DAP: variants seen among roughly 807,000 people sequenced by gnomAD.
DAP encodes the protein death-associated protein 1.
DAP carries 8 observed loss-of-function variants against 13.8 expected under a neutral mutation model. The observed-to-expected ratio is 0.58, with a 90% CI of 0.34 to 1.05. DAP has a LOEUF of 1.05. Ranked by LOEUF, DAP falls within the 50% of genes least tolerant of loss-of-function variation. DAP has a pLI of 0.03. For missense variants in DAP, 106 were observed against 133.2 expected (o/e 0.80, Z 1.01); for synonymous variants, 47 against 47.5 (o/e 0.99, Z 0.04).
chr5:10,698,938 A>G (rs1738497855), intron 2 of DAP, among the ~76,000 whole-genome samples: 1 of 152,240 alleles, frequency 6.6e-6, no homozygotes, highest in African/African-American at 2.4e-5. Context: ...TTCAAATTAA[A>G]AAAAATGAAA....
Position 10,760,999 on chromosome 5 carries a change from G to GA in DAP, c.55+14dup, listed in dbSNP as rs770017957. The GA allele has an allele frequency of 8.1e-7, 1 of 1,232,212 alleles. No individual in the cohort carries two copies. The highest frequency in any genetic ancestry group is 1.0e-6 in the Non-Finnish European group (1 of 976,140). 76.3% of individuals were successfully genotyped at this position (1,232,212 alleles called of 1,614,324 possible). ...CCGGCACCCGCGCGTGGAGAGAGAG[G>GA]AAAAGAGTCAGTACCGGCGGGCGGG... On this transcript the variant is annotated intron_variant, in intron 1 of 3. Transcript: ENST00000230895.
At chr5:10,691,572 T>C (rs754370413) in intron 2 of DAP, among the ~76,000 whole-genome samples, 3 of 152,238 alleles carry the variant, frequency 2.0e-5, no homozygotes, top group East Asian at 3.8e-4. Context: ...AGAAGTATGA[T>C]AGCTGCTTTG....
At chr5:10,731,988 T>C (rs1270084013) in intron 2 of DAP, among the ~76,000 whole-genome samples, 1 of 152,220 alleles carries the variant, frequency 6.6e-6, no homozygotes, top group African/African-American at 2.4e-5. Context: ...CCTTGCTGCC[T>C]GGGCCTGCAG....
At chr5:10,736,407 A>G (rs1204509241) in intron 2 of DAP, among the ~76,000 whole-genome samples, 1 of 152,184 alleles carries the variant, frequency 6.6e-6, no homozygotes, top group African/African-American at 2.4e-5. Flanking sequence ...CGAAGCTGCC[A>G]TTAGGACAGC....
At chr5:10,754,768 T>C (rs974120975) in intron 1 of DAP, among the ~76,000 whole-genome samples, 4 of 152,142 alleles carry the variant, frequency 2.6e-5, no homozygotes, top group African/African-American at 7.2e-5. Context: ...AAAGCTGTCA[T>C]TGGGAATTGG....
intron 2 of DAP, among the ~76,000 whole-genome samples, chr5:10,691,692 A>G (rs1738310598): frequency 6.6e-6 from 1 of 152,212 alleles, no homozygotes; most frequent in Non-Finnish European, 1.5e-5. Context: ...TGCCCGCCCC[A>G]TATCCTCAGG....
intron 2 of DAP, among the ~76,000 whole-genome samples, chr5:10,721,607 C>T (rs757544671): frequency 7.9e-5 from 12 of 152,088 alleles, no homozygotes; most frequent in Admixed American, 2.0e-4. Context: ...TTAAGGTCGA[C>T]GGGAAACTAC....
rs368614514 is a variant in DAP, at chr5:10,679,306, A to C, written c.*1750T>G. ...AACAACTGATAAACTCATTTAGGCA[A>C]ACATTTTGGATTTAATGATCTAAAG... On this transcript the variant is annotated 3_prime_UTR_variant, in exon 4 of 4. Transcript: ENST00000230895. 21 of 152,502 alleles carry C rather than the reference A, an allele frequency of 1.4e-4. No individual in the cohort carries two copies. Among genetic ancestry groups the C allele is most frequent in the African/African-American group, 5.1e-4 (21 of 41,580 alleles). 9.4% of individuals were successfully genotyped at this position (152,502 alleles called of 1,614,324 possible).
chr5:10,742,756 T>C (rs1489218924), intron 2 of DAP, among the ~76,000 whole-genome samples: 7 of 152,126 alleles, frequency 4.6e-5, no homozygotes, highest in Admixed American at 4.6e-4. Flanking sequence ...TTCCTCTGAC[T>C]GGGGAATGGT....
intron 2 of DAP, among the ~76,000 whole-genome samples, chr5:10,719,074 A>G (rs1276061148): frequency 6.6e-6 from 1 of 152,246 alleles, no homozygotes; most frequent in Non-Finnish European, 1.5e-5. Flanking sequence ...CTACCTCAGT[A>G]AAATTTCTAA....
At chr5:10,694,400 A>G (rs1342454725) in intron 2 of DAP, among the ~76,000 whole-genome samples, 1 of 151,940 alleles carries the variant, frequency 6.6e-6, no homozygotes, top group East Asian at 1.9e-4. Context: ...ACACACACAC[A>G]CACACACACG....
chr5:10,751,472 A>C (rs1427801864), intron 1 of DAP, among the ~76,000 whole-genome samples: 1 of 152,190 alleles, frequency 6.6e-6, no homozygotes, highest in Non-Finnish European at 1.5e-5. Context: ...GGAAGAGCTT[A>C]GAAGAACTGT....
Position 10,680,772 on chromosome 5 carries a change from CTAAA to C in DAP, c.*280_*283del. ...ACGTCAGGTGACTGCTGAAATAGAA[CTAAA>C]GCTAAAATTTTTCTCGGATCTTGGC... is the stretch of plus-strand genomic sequence containing the variant. On this transcript the variant is annotated 3_prime_UTR_variant, in exon 4 of 4. Coordinates refer to ENST00000230895, the MANE Select transcript of DAP (RefSeq NM_004394.3). 6.5e-7 allele frequency: 1 copy of C among 1,536,580 alleles called. No individual in the cohort carries two copies. The highest frequency in any genetic ancestry group is 8.7e-7 in the Non-Finnish European group (1 of 1,147,000).
rs1740071419 is a variant in DAP at position 10,752,496 on chromosome 5, C to T, written c.56-4225G>A. ...AGTATTTTTAGGAGAAACAGAAAAA[C>T]CTTAGATTTTTGTCGTGGTGGTTGT... On this transcript the variant is annotated intron_variant, in intron 1 of 3. Transcript: ENST00000230895. 3.3e-5 allele frequency among the ~76,000 whole-genome samples: 5 copies of T among 152,208 alleles called. No individual in the cohort carries two copies. The South Asian group carries it at 6.2e-4, about 19-fold the overall frequency.
intron 2 of DAP, 33 bp downstream of exon 2, chr5:10,748,142 A>T: frequency 6.8e-7 from 1 of 1,478,156 alleles, no homozygotes. Flanking sequence ...GGTTTTTGGA[A>T]AACATGCTCA....
At chr5:10,721,089 G>A (rs1007533047) in intron 2 of DAP, among the ~76,000 whole-genome samples, 1 of 152,212 alleles carries the variant, frequency 6.6e-6, no homozygotes, top group African/African-American at 2.4e-5. Flanking sequence ...GCCTTTTGAA[G>A]TCACAATTAC....
intron 2 of DAP, among the ~76,000 whole-genome samples, chr5:10,725,693 T>A (rs1739272467): frequency 6.6e-6 from 1 of 152,244 alleles, no homozygotes; most frequent in African/African-American, 2.4e-5. Context: ...GATTTTAGGC[T>A]TTCTTCTCAA....
At chr5:10,726,180 T>C (rs932841807) in intron 2 of DAP, among the ~76,000 whole-genome samples, 2 of 152,254 alleles carry the variant, frequency 1.3e-5, no homozygotes, top group African/African-American at 4.8e-5. Context: ...TTATACTCTC[T>C]TCCGCCTCCC....
rs1249897258 is a variant in DAP at position 10,728,351 on chromosome 5, T to C, written c.152+19824A>G. On this transcript the variant is annotated intron_variant, in intron 2 of 3. Transcript: ENST00000230895. ...GTATTAGGTTTTCAGCTATCACTGC[T>C]ACTTTTTAGAAACCTTAAGTGTGGA... 2.0e-5 allele frequency among the ~76,000 whole-genome samples: 3 copies of C among 152,338 alleles called. No homozygotes were observed. In the East Asian group the frequency reaches 5.8e-4, roughly 29 times the overall value.
Sources: gnomAD v4.1 joint callset for allele counts (sites outside exome capture counted in the v4.1 genomes callset) on GRCh38, gnomAD v4.1.1 for gene constraint, MANE v1.5 for transcripts, NCBI Gene and HGNC (gene_info 2026-07-23, HGNC 2026-07-21) for gene names.